The following CCDC73 variants were observed in gnomAD, a reference collection of about 807,000 sequenced individuals.
The protein encoded by CCDC73 is coiled-coil domain containing 73.
In CCDC73, 95 loss-of-function variants were observed where a neutral mutation model predicts 116.5. The ratio of observed to expected loss-of-function variants is 0.82; its 90% CI spans 0.69 to 0.97. The LOEUF is 0.97. Among genes scored for constraint, CCDC73 ranks in the 50% least tolerant of loss-of-function variants. The pLI is 0.00. For synonymous variants in CCDC73, 398 were observed against 401.3 expected (o/e 0.99, Z 0.10); for missense variants, 1,066 against 1,206.8 (o/e 0.88, Z 1.73).
chr11:32,757,891 C>G (rs185894361), intron 2 of CCDC73, among the ~76,000 whole-genome samples: 1 of 152,248 alleles, frequency 6.6e-6, no homozygotes, highest in African/African-American at 2.4e-5. Flanking sequence ...CTACAAAATT[C>G]CTTTTGCCAT....
chr11:32,815,406 C>T, the CCDC73 span, among the ~76,000 whole-genome samples: 3 of 150,754 alleles, frequency 2.0e-5, no homozygotes, highest in Non-Finnish European at 4.4e-5. Context: ...ACAGTCATAA[C>T]TCATTGTAAC....
chr11:32,718,165 A>C lies in CCDC73; in HGVS notation c.136-18T>G, dbSNP rs145917626. ...TCTGCTTCCTAAGTCAAAAAGAAAA[A>C]GAAAAGTGCTATAAAAATAAAGACT... On this transcript the variant is annotated intron_variant, in intron 2 of 17. Transcript: ENST00000335185. 5.4e-4 allele frequency: 826 copies of C among 1,533,062 alleles called. 10 individuals carry two copies. The African/African-American group carries it at 0.01, about 19-fold the overall frequency. The allele number at this position is 1,533,062 out of a possible 1,614,324, so 95.0% of individuals were successfully genotyped here.
chr11:32,676,171 T>G (rs1254569133), intron 7 of CCDC73, 150 bp from the exon 8 acceptor site: 2 of 521,710 alleles, frequency 3.8e-6, no homozygotes, highest in Non-Finnish European at 6.1e-6. Flanking sequence ...GAGTAAACTG[T>G]AAGGAGGAAA....
chr11:32,768,869 A>G (rs34736405), intron 1 of CCDC73, among the ~76,000 whole-genome samples: 34 of 152,160 alleles, frequency 2.2e-4, no homozygotes, highest in Non-Finnish European at 3.8e-4. Context: ...AAGAAAAGAG[A>G]CAAAGACAAA....
the CCDC73 span, among the ~76,000 whole-genome samples, chr11:32,807,488 T>G: frequency 6.6e-6 from 1 of 152,194 alleles, no homozygotes; most frequent in Non-Finnish European, 1.5e-5. Flanking sequence ...TACATAAAGT[T>G]TGTCCAACCC....
chr11:32,767,002 C>T (rs1336708650), intron 1 of CCDC73, among the ~76,000 whole-genome samples: 2 of 152,256 alleles, frequency 1.3e-5, no homozygotes, highest in South Asian at 2.1e-4. Flanking sequence ...AAGAAGAGCT[C>T]GCATTGCCAA....
intron 13 of CCDC73, among the ~76,000 whole-genome samples, chr11:32,639,413 T>A (rs948431412): frequency 2.0e-5 from 3 of 152,126 alleles, no homozygotes; most frequent in Admixed American, 6.5e-5. Flanking sequence ...GTCTAACACA[T>A]AGTATATGCT....
At chr11:32,687,516 TAAGAA>T (rs977491878) in intron 6 of CCDC73, among the ~76,000 whole-genome samples, 37 of 152,260 alleles carry the variant, frequency 2.4e-4, no homozygotes, top group African/African-American at 8.4e-4. Flanking sequence ...CATTGAAAGA[TAAGAA>T]AAGTATAAAT....
chr11:32,829,639 G>C, the CCDC73 span: 20 of 490,160 alleles, frequency 4.1e-5, no homozygotes, highest in African/African-American at 4.2e-4. Flanking sequence ...CGCGCCGAGG[G>C]CGCTCTGCTT....
intron 3 of CCDC73, among the ~76,000 whole-genome samples, chr11:32,717,409 T>G (rs1849955197): frequency 6.6e-6 from 1 of 152,214 alleles, no homozygotes; most frequent in Non-Finnish European, 1.5e-5. Context: ...GTTTCATTGT[T>G]TTCAAAATAT....
chr11:32,675,941 T>C lies in CCDC73; in HGVS notation c.510A>G (p.Thr170=), dbSNP rs773088965. 1.6e-5 allele frequency: 26 copies of C among 1,609,824 alleles called. No homozygotes were observed. In the East Asian group the frequency reaches 5.6e-4, roughly 35 times the overall value. The part of the protein sequence containing the change: ...QLSEIEKYYA[T]ITGQFGLVKE... ...TTACCAATCCAAATTGACCTGTTAT[T>C]GTGGCATAATATTTCTCAATTTCAC... Residue 170 remains threonine (T), a synonymous_variant, in exon 8 of 18, where the codon ACA becomes ACG. Transcript: ENST00000335185.
At chr11:32,811,359 A>G in the CCDC73 span, among the ~76,000 whole-genome samples, 4 of 152,204 alleles carry the variant, frequency 2.6e-5, no homozygotes, top group African/African-American at 7.2e-5. Flanking sequence ...TTCAAACATA[A>G]TAAACATACA....
chr11:32,751,591 A>AGC (rs1850288107), intron 2 of CCDC73, among the ~76,000 whole-genome samples: 1 of 152,148 alleles, frequency 6.6e-6, no homozygotes, highest in African/African-American at 2.4e-5. Context: ...CTGAGTTCCC[A>AGC]CAATTGCTGC....
intron 3 of CCDC73, among the ~76,000 whole-genome samples, chr11:32,713,402 G>C (rs1849918771): frequency 6.6e-6 from 1 of 152,026 alleles, no homozygotes; most frequent in Non-Finnish European, 1.5e-5. Context: ...ATCTCAGTAG[G>C]AATCCCAATT....
intron 1 of CCDC73, among the ~76,000 whole-genome samples, chr11:32,770,129 T>C (rs1326916914): frequency 1.3e-5 from 2 of 152,186 alleles, no homozygotes; most frequent in Non-Finnish European, 2.9e-5. Flanking sequence ...TATTCAGTTG[T>C]TAGATTTGCT....
At chr11:32,823,499 T>G in the CCDC73 span, among the ~76,000 whole-genome samples, 1 of 151,350 alleles carries the variant, frequency 6.6e-6, no homozygotes, top group Admixed American at 6.6e-5. Context: ...AATAAATAAA[T>G]TCTGAAGATA....
intron 14 of CCDC73, among the ~76,000 whole-genome samples, chr11:32,622,074 T>C (rs1479520201): frequency 6.6e-6 from 1 of 152,214 alleles, no homozygotes. Flanking sequence ...GAATGTAAAT[T>C]AGTTCAACCA....
intron 2 of CCDC73, among the ~76,000 whole-genome samples, chr11:32,727,999 C>G (rs1046867138): frequency 2.6e-5 from 4 of 152,036 alleles, no homozygotes; most frequent in Admixed American, 6.6e-5. Context: ...CGCCTGTAAT[C>G]CTAGCACTTT....
intron 2 of CCDC73, among the ~76,000 whole-genome samples, chr11:32,757,415 C>A (rs1423186010): frequency 1.3e-5 from 2 of 151,702 alleles, no homozygotes; most frequent in African/African-American, 2.4e-5. Context: ...GAAATGAATC[C>A]CAAAAATAAG....
Sources: allele counts gnomAD v4.1 joint callset (sites outside exome capture counted in the v4.1 genomes callset), GRCh38; gene constraint gnomAD v4.1.1; transcripts MANE v1.5; gene names NCBI Gene and HGNC (gene_info 2026-07-23, HGNC 2026-07-21).